EXT2: variants seen among roughly 807,000 people sequenced by gnomAD.
EXT2 encodes the protein exostosin glycosyltransferase 2.
In EXT2, 53 loss-of-function variants were observed where a neutral mutation model predicts 81.6. That is an observed-to-expected ratio of 0.65 (90% CI 0.52 to 0.82). The LOEUF (loss-of-function observed/expected upper bound fraction) is 0.82. Ranked by LOEUF, EXT2 falls within the 40% of genes least tolerant of loss-of-function variation. The probability of loss-of-function intolerance (pLI) is 0.00; values close to 1 mark genes in which losing one functional copy is unlikely to be tolerated. For missense variants in EXT2, 774 were observed against 910.2 expected, an observed-to-expected ratio of 0.85 and a Z score of 1.93; for synonymous variants, 320 against 340.0, an observed-to-expected ratio of 0.94 and a Z score of 0.65.
At chr11:44,217,689 T>A (rs559019285) in intron 10 of EXT2, among the ~76,000 whole-genome samples, 155 of 152,314 alleles carry the variant, frequency 1.0e-3, no homozygotes, top group African/African-American at 3.6e-3. Flanking sequence ...TTTGATTTTT[T>A]TTTTCCAAGT....
intron 1 of EXT2, chr11:44,096,402 A>T (rs1050826491): frequency 1.3e-5 from 18 of 1,342,688 alleles, no homozygotes; most frequent in Non-Finnish European, 1.7e-5. Flanking sequence ...GTGACCGGGA[A>T]CTAGATGGCC....
intron 7 of EXT2, chr11:44,144,233 A>C (rs530833439): frequency 6.3e-7 from 1 of 1,593,452 alleles, no homozygotes; most frequent in East Asian, 2.2e-5. Context: ...AAAGGTTTCC[A>C]ATTCACCTTT....
intron 7 of EXT2, among the ~76,000 whole-genome samples, chr11:44,162,575 CAAAAA>C (rs746211630): frequency 3.1e-4 from 14 of 45,878 alleles, no homozygotes; most frequent in African/African-American, 4.9e-4. Context: ...GACTCCATCT[CAAAAA>C]AAAAAAAAAA....
In EXT2 at chr11:44,126,841, G is replaced by C; in HGVS notation, c.965G>C (p.Arg322Pro). Reference sequence around the variant, plus strand: ...GAGGCTACTTTCTGTGTGGTTCTTCGTGGAGCTCGGCTGGGCCAGGCAGTA... The same window carrying C: ...GAGGCTACTTTCTGTGTGGTTCTTCCTGGAGCTCGGCTGGGCCAGGCAGTA... The part of the protein sequence containing the change: ...LQEATFCVVL[R>P]GARLGQAVLS... Residue 322 changes from arginine to proline, a missense_variant, in exon 6 of 14, where the codon CGT (arginine) becomes CCT (proline). Coordinates refer to ENST00000533608, the MANE Select transcript of EXT2 (RefSeq NM_207122.2). 1 of 1,614,156 alleles carries C rather than the reference G, an allele frequency of 6.2e-7. No homozygotes were observed. The highest frequency in any genetic ancestry group is 8.5e-7 in the Non-Finnish European group (1 of 1,180,030).
At chr11:44,140,194 A>G (rs1165843286) in intron 7 of EXT2, among the ~76,000 whole-genome samples, 2 of 152,008 alleles carry the variant, frequency 1.3e-5, no homozygotes, top group Non-Finnish European at 2.9e-5. Context: ...TTTGCAATGA[A>G]TTTTTTCCTA....
rs374168676 is a variant in EXT2 at position 44,130,146 on chromosome 11, G to A, written c.1173+8G>A. 1.3e-5 allele frequency: 21 copies of A among 1,611,974 alleles called. No individual in the cohort carries two copies. Among genetic ancestry groups the A allele is most frequent in the African/African-American group, 2.7e-5 (2 of 74,868 alleles). ...GAAGAAATGCAGAGACAGGTAAGAGGCCAAGTCTTGGGGAGGTGACATGGG... is the reference window on the plus strand; with the variant it reads ...GAAGAAATGCAGAGACAGGTAAGAGACCAAGTCTTGGGGAGGTGACATGGG... On this transcript the variant is annotated splice_region_variant and intron_variant, in intron 7 of 13. Transcript: ENST00000533608.
intron 7 of EXT2, among the ~76,000 whole-genome samples, chr11:44,154,276 C>G (rs1054226269): frequency 6.6e-6 from 1 of 152,058 alleles, no homozygotes; most frequent in African/African-American, 2.4e-5. Flanking sequence ...CATTAACCAT[C>G]CCTACTTACC....
At chr11:44,139,150 A>T (rs1590585628) in intron 7 of EXT2, among the ~76,000 whole-genome samples, 2 of 142,592 alleles carry the variant, frequency 1.4e-5, no homozygotes, top group Non-Finnish European at 1.5e-5. Flanking sequence ...GTGTGTGAGG[A>T]TCAGAATGAC....
chr11:44,227,605 G>A (rs899637160), intron 10 of EXT2, among the ~76,000 whole-genome samples: 2 of 152,204 alleles, frequency 1.3e-5, no homozygotes, highest in Admixed American at 1.3e-4. Flanking sequence ...GCTGCCCCCT[G>A]TGGGCTTTTA....
Position 44,242,403 on chromosome 11 carries a change from C to G in EXT2, c.2019-1746C>G, listed in dbSNP as rs549063365. Among the ~76,000 whole-genome samples the G allele has an allele frequency of 3.5e-4, 53 of 152,282 alleles. 1 individual carries two copies. Among genetic ancestry groups the G allele is most frequent in the African/African-American group, 1.2e-3 (51 of 41,556 alleles). ...TTCCCAGTCTCCCTTCAATTTGGAA[C>G]TAGGAACACCACCTCCTGAGTCTCA... On this transcript the variant is annotated intron_variant, in intron 13 of 13. Coordinates refer to ENST00000533608, the MANE Select transcript of EXT2 (RefSeq NM_207122.2).
intron 8 of EXT2, among the ~76,000 whole-genome samples, chr11:44,184,403 T>A (rs1168665467): frequency 6.6e-6 from 1 of 152,102 alleles, no homozygotes; most frequent in Non-Finnish European, 1.5e-5. Flanking sequence ...TGAGAACTAC[T>A]TTTTTTTGTT....
chr11:44,211,092 G>T (rs1166191228), intron 10 of EXT2, among the ~76,000 whole-genome samples: 1 of 152,172 alleles, frequency 6.6e-6, no homozygotes, highest in South Asian at 2.1e-4. Flanking sequence ...GGTGGTATTG[G>T]TATAAATTTA....
chr11:44,106,726 T>C (rs1321512703), intron 1 of EXT2, among the ~76,000 whole-genome samples: 2 of 152,188 alleles, frequency 1.3e-5, no homozygotes, highest in Admixed American at 1.3e-4. Context: ...ACCTCCTGGA[T>C]TCAAGCAATT....
At chr11:44,141,473 C>G (rs1355007235) in intron 7 of EXT2, among the ~76,000 whole-genome samples, 1 of 152,132 alleles carries the variant, frequency 6.6e-6, no homozygotes, top group Non-Finnish European at 1.5e-5. Flanking sequence ...AATCACTTTT[C>G]CATACTTTTC....
chr11:44,240,315 A>C (rs1252068382), intron 13 of EXT2, among the ~76,000 whole-genome samples: 4 of 152,236 alleles, frequency 2.6e-5, no homozygotes, highest in African/African-American at 4.8e-5. Flanking sequence ...GAGAACCAGG[A>C]TATACAGTGC....
chr11:44,181,107 A>C (rs1451829991), intron 8 of EXT2, among the ~76,000 whole-genome samples: 2 of 152,190 alleles, frequency 1.3e-5, no homozygotes, highest in Admixed American at 6.5e-5. Context: ...TCTCAAAAAA[A>C]AAAAAAGTTT....
chr11:44,108,226 C>G lies in EXT2; in HGVS notation c.514C>G (p.Gln172Glu), dbSNP rs121918279. ...CACACTGCGCATCAAGGAGACAGCACAAGCGATGGCCCAGCTCTCTAGGTA... is the reference window on the plus strand; with the variant it reads ...CACACTGCGCATCAAGGAGACAGCAGAAGCGATGGCCCAGCTCTCTAGGTA... ...QNTLRIKETA[Q>E]AMAQLSRWDR... is the part of the protein sequence containing the mutation. The change falls in exon 2 of 14, where the codon CAA becomes GAA. Residue 172 changes from glutamine (Q) to glutamate (E), a missense_variant. By Grantham distance (29) the Gln-to-Glu change is conservative (BLOSUM62 2). Transcript: ENST00000533608. The G allele has an allele frequency of 6.2e-7, 1 of 1,613,066 alleles. No homozygotes were observed.
chr11:44,133,174 AT>A (rs1954518307), intron 7 of EXT2, among the ~76,000 whole-genome samples: 1 of 152,222 alleles, frequency 6.6e-6, no homozygotes, highest in African/African-American at 2.4e-5. Context: ...TCTCTCTAAA[AT>A]TAGAGTTCTT....
At chr11:44,123,086 T>C (rs1369766254) in intron 4 of EXT2, among the ~76,000 whole-genome samples, 1 of 152,198 alleles carries the variant, frequency 6.6e-6, no homozygotes, top group Non-Finnish European at 1.5e-5. Flanking sequence ...CTCTTTTCTC[T>C]GGGTTTGTAT....
Sources: allele counts gnomAD v4.1 joint callset (sites outside exome capture counted in the v4.1 genomes callset), GRCh38; gene constraint gnomAD v4.1.1; transcripts MANE v1.5; gene names NCBI Gene and HGNC (gene_info 2026-07-23, HGNC 2026-07-21).